The following PPM1A variants were observed in gnomAD, a reference collection of about 807,000 sequenced individuals.
PPM1A encodes protein phosphatase, Mg2+/Mn2+ dependent 1A, also known as protein phosphatase 1A.
A neutral mutation model predicts 35.0 loss-of-function variants in PPM1A; 7 were observed. The ratio of observed to expected loss-of-function variants is 0.20; its 90% CI spans 0.11 to 0.38. The LOEUF (loss-of-function observed/expected upper bound fraction) is 0.38. Ranked by LOEUF, PPM1A falls within the 10% of genes least tolerant of loss-of-function variation. The pLI is 1.00. For synonymous variants in PPM1A, 153 were observed against 167.3 expected (o/e 0.91, Z 0.66); for missense variants, 239 against 467.8 (o/e 0.51, Z 4.51).
intron 1 of PPM1A, among the ~76,000 whole-genome samples, chr14:60,272,651 G>C (rs115674817): frequency 0.029 from 3,858 of 134,044 alleles, 147 homozygotes; most frequent in African/African-American, 0.1. Flanking sequence ...AGATCATGCC[G>C]CCACATCCCA....
At chr14:60,266,203 C>T (rs954413671) in intron 1 of PPM1A, among the ~76,000 whole-genome samples, 7 of 152,140 alleles carry the variant, frequency 4.6e-5, no homozygotes, top group Non-Finnish European at 1.0e-4. Context: ...TGCCTGTTCA[C>T]ATTCATTGCC....
chr14:60,282,672 C>G lies in PPM1A; in HGVS notation c.-20-12C>G. On this transcript the variant is annotated splice_polypyrimidine_tract_variant and intron_variant, in intron 1 of 5. Coordinates refer to ENST00000395076, the MANE Select transcript of PPM1A (RefSeq NM_021003.5). This position sits in a 1 kb window ranked among gnomAD's most constrained non-coding sequence, Gnocchi z 5.1. Reference sequence around the variant, plus strand: ...GACAGTTATTGACTTTCCTGTTTCTCTTCCTTTGCAGACCTAGAGGATCAA... The same window carrying G: ...GACAGTTATTGACTTTCCTGTTTCTGTTCCTTTGCAGACCTAGAGGATCAA... 1 of 1,606,102 alleles carries G rather than the reference C, an allele frequency of 6.2e-7. No homozygotes were observed. The highest frequency in any genetic ancestry group is 8.5e-7 in the Non-Finnish European group (1 of 1,175,182).
rs1015383086 is a variant in PPM1A, at chr14:60,283,621, A to T, written c.834+84A>T. 6.9e-5 allele frequency: 97 copies of T among 1,415,454 alleles called. No homozygotes were observed. Among genetic ancestry groups the T allele is most frequent in the Non-Finnish European group, 8.9e-5 (94 of 1,057,114 alleles). The allele number at this position is 1,415,454 out of a possible 1,614,324, so 87.7% of individuals were successfully genotyped here. ...AGTATTTAATCATCTTAGAATCTGT[A>T]ATTCTGAAACCAGTTTTTGGCACAA... On this transcript the variant is annotated intron_variant, in intron 2 of 5. Transcript: ENST00000395076. This position sits in a 1 kb window ranked among gnomAD's most constrained non-coding sequence, Gnocchi z 6.3.
At position 60,295,936 on chromosome 14, in the gene PPM1A, TAAGAA is replaced by T. The variant is rs1439313179; in HGVS notation, c.*3455_*3459del. On this transcript the variant is annotated 3_prime_UTR_variant, in exon 6 of 6. Transcript: ENST00000395076. ...ATTCAGAAGAAAATTTTGCTTAGCATAAGAATAAAATTGGACTGAAGAGGCTTAAG... is the reference window on the plus strand; with the variant it reads ...ATTCAGAAGAAAATTTTGCTTAGCATTAAAATTGGACTGAAGAGGCTTAAG... The T allele has an allele frequency of 6.6e-6, 1 of 151,674 alleles. No individual in the cohort carries two copies. The highest frequency in any genetic ancestry group is 2.4e-5 in the African/African-American group (1 of 41,398). The allele number at this position is 151,674 out of a possible 1,614,324, so 9.4% of individuals were successfully genotyped here. A position where few individuals can be genotyped will look rare whatever the true frequency, so the allele number is the denominator to read the frequency against.
chr14:60,286,566 T>G (rs1333559739), intron 3 of PPM1A: 9 of 985,228 alleles, frequency 9.1e-6, no homozygotes, highest in Non-Finnish European at 1.1e-5. Context: ...AAATGCATTT[T>G]AGGCTCCTAA....
At chr14:60,266,735 G>C (rs934519130) in intron 1 of PPM1A, among the ~76,000 whole-genome samples, 3 of 151,972 alleles carry the variant, frequency 2.0e-5, no homozygotes, top group African/African-American at 7.3e-5. Context: ...TTAAATATCA[G>C]GTATTGCAGA....
intron 1 of PPM1A, among the ~76,000 whole-genome samples, chr14:60,280,963 T>G (rs1272644735): frequency 6.6e-6 from 1 of 152,192 alleles, no homozygotes; most frequent in African/African-American, 2.4e-5. Context: ...TCCTTTAAAC[T>G]TATTAGTTGA....
rs975259722 is a variant in PPM1A at position 60,294,146 on chromosome 14, A to G, written c.*1664A>G. On this transcript the variant is annotated 3_prime_UTR_variant, in exon 6 of 6. Coordinates refer to ENST00000395076, the MANE Select transcript of PPM1A (RefSeq NM_021003.5). The stretch of plus-strand genomic sequence containing the variant: ...AACTTGGAAATATACATATTTGTAT[A>G]TATAGCCTTAAAATTAATGTAAAGT... 6.6e-6 allele frequency: 1 copy of G among 151,930 alleles called. No individual in the cohort carries two copies. The highest frequency in any genetic ancestry group is 1.5e-5 in the Non-Finnish European group (1 of 67,866). 9.4% of individuals were successfully genotyped at this position (151,930 alleles called of 1,614,324 possible).
At position 60,297,718 on chromosome 14, in the gene PPM1A, A is replaced by G. The variant is rs1227965282; in HGVS notation, c.*5236A>G. Reference sequence around the variant, plus strand: ...GGGTAGCTGCGGAACAAAATTAGTTATATCCTAATTAGGTACAGTGAATGA... The same window carrying G: ...GGGTAGCTGCGGAACAAAATTAGTTGTATCCTAATTAGGTACAGTGAATGA... On this transcript the variant is annotated 3_prime_UTR_variant, in exon 6 of 6. Coordinates refer to ENST00000395076, the MANE Select transcript of PPM1A (RefSeq NM_021003.5). The G allele has an allele frequency of 6.6e-6, 1 of 151,764 alleles. No individual in the cohort carries two copies. The highest frequency in any genetic ancestry group is 6.6e-5 in the Admixed American group (1 of 15,222). 9.4% of individuals were successfully genotyped at this position (151,764 alleles called of 1,614,324 possible).
intron 1 of PPM1A, among the ~76,000 whole-genome samples, chr14:60,263,936 G>C (rs1884078789): frequency 6.7e-6 from 1 of 150,020 alleles, no homozygotes. Context: ...CTGTATAGTT[G>C]CCTACAATGT....
At position 60,292,365 on chromosome 14, in the gene PPM1A, TTATC is replaced by T; in HGVS notation, c.1120-86_1120-83del. 1.0e-6 allele frequency: 1 copy of T among 986,936 alleles called. No individual in the cohort carries two copies. Among genetic ancestry groups the T allele is most frequent in the South Asian group, 1.4e-5 (1 of 72,406 alleles). 61.1% of individuals were successfully genotyped at this position (986,936 alleles called of 1,614,324 possible). A position where few individuals can be genotyped will look rare whatever the true frequency, so the allele number is the denominator to read the frequency against. ...TTCTAAAAGTCATCTTTACAGAACA[TTATC>T]TTTCTCCATTATCCAGAAAGTATGG... On this transcript the variant is annotated intron_variant, in intron 5 of 5. Transcript: ENST00000395076. The surrounding 1 kb of genome is among the most constrained non-coding windows in gnomAD (Gnocchi z 4.2).
Position 60,289,323 on chromosome 14 carries a change from A to G in PPM1A, c.953-483A>G, listed in dbSNP as rs560961460. ...TCATTTTGCAAATATAAATATATAC[A>G]TAAAAATAATTGAGTTAGTATATAA... On this transcript the variant is annotated intron_variant, in intron 3 of 5. Coordinates refer to ENST00000395076, the MANE Select transcript of PPM1A (RefSeq NM_021003.5). This position sits in a 1 kb window ranked among gnomAD's most constrained non-coding sequence, Gnocchi z 4.1. Among the ~76,000 whole-genome samples the G allele has an allele frequency of 2.0e-5, 3 of 152,266 alleles. No individual in the cohort carries two copies. In the East Asian group the frequency reaches 5.8e-4, roughly 29 times the overall value.
At chr14:60,276,027 T>A (rs1156771016) in intron 1 of PPM1A, among the ~76,000 whole-genome samples, 1 of 152,210 alleles carries the variant, frequency 6.6e-6, no homozygotes, top group Non-Finnish European at 1.5e-5. Flanking sequence ...GAGATGTAGC[T>A]GCAAGGGTTA....
chr14:60,251,659 A>G (rs1185576419), intron 1 of PPM1A, among the ~76,000 whole-genome samples: 2 of 152,346 alleles, frequency 1.3e-5, no homozygotes, highest in East Asian at 1.9e-4. Flanking sequence ...ACCGTTGCCA[A>G]ATAAATGCCT....
chr14:60,279,585 A>G (rs573792561), intron 1 of PPM1A, among the ~76,000 whole-genome samples: 4 of 152,284 alleles, frequency 2.6e-5, no homozygotes, highest in African/African-American at 9.6e-5. Context: ...TGTATCTTCA[A>G]CTTCTTCAAC....
At position 60,292,648 on chromosome 14, in the gene PPM1A, G is replaced by GT. The variant is rs1887761314; in HGVS notation, c.*166_*167insT. The GT allele has an allele frequency of 1.3e-4, 49 of 377,032 alleles. No homozygotes were observed. In the Admixed American group the frequency reaches 2.2e-3, roughly 17 times the overall value. The allele number at this position is 377,032 out of a possible 1,614,324, so 23.4% of individuals were successfully genotyped here. ...GCAGTACAACAGCTAGCCCAGAACTGATTTTTTTTTTTTTTTTTGTAAATT... is the reference window on the plus strand; with the variant it reads ...GCAGTACAACAGCTAGCCCAGAACTGTATTTTTTTTTTTTTTTTTGTAAATT... On this transcript the variant is annotated 3_prime_UTR_variant, in exon 6 of 6. Transcript: ENST00000395076. This position sits in a 1 kb window ranked among gnomAD's most constrained non-coding sequence, Gnocchi z 4.2.
intron 1 of PPM1A, among the ~76,000 whole-genome samples, chr14:60,276,579 A>G (rs965243625): frequency 2.6e-5 from 4 of 152,254 alleles, no homozygotes; most frequent in African/African-American, 9.6e-5. Context: ...GTATGTATCT[A>G]TGTCCTTTGT....
At position 60,273,383 on chromosome 14, in the gene PPM1A, A is replaced by T. The variant is rs1441954504; in HGVS notation, c.-20-9301A>T. On this transcript the variant is annotated intron_variant, in intron 1 of 5. Coordinates refer to ENST00000395076, the MANE Select transcript of PPM1A (RefSeq NM_021003.5). This position sits in a 1 kb window ranked among gnomAD's most constrained non-coding sequence, Gnocchi z 4.3. ...TTTGGAGGAAGGAAGTATGATGAGT[A>T]CTAGGTACTGTAAGAAAACCCTTGT... Among the ~76,000 whole-genome samples, 1 of 152,164 alleles carries T rather than the reference A, an allele frequency of 6.6e-6. No individual in the cohort carries two copies. Among genetic ancestry groups the T allele is most frequent in the Non-Finnish European group, 1.5e-5 (1 of 68,020 alleles).
intron 1 of PPM1A, among the ~76,000 whole-genome samples, chr14:60,262,193 AT>A (rs1215544155): frequency 6.6e-6 from 1 of 152,228 alleles, no homozygotes; most frequent in African/African-American, 2.4e-5. Flanking sequence ...ATAACCAAGG[AT>A]TCTTTCTTTA....
Sources: gnomAD v4.1 joint callset for allele counts (sites outside exome capture counted in the v4.1 genomes callset) on GRCh38, gnomAD v4.1.1 for gene constraint, Gnocchi (gnomAD v3.1) non-coding constraint, MANE v1.5 for transcripts, NCBI Gene and HGNC (gene_info 2026-07-23, HGNC 2026-07-21) for gene names.